The following TMTC2 variants were observed in gnomAD, a reference collection of about 807,000 sequenced individuals.
The protein encoded by TMTC2 is transmembrane O-mannosyltransferase targeting cadherins 2.
A neutral mutation model predicts 82.4 loss-of-function variants in TMTC2; 43 were observed. That is an observed-to-expected ratio of 0.52 (90% CI 0.41 to 0.67). The LOEUF is 0.67. Ranked by LOEUF, TMTC2 falls within the 30% of genes least tolerant of loss-of-function variation. The pLI is 0.00. For missense variants in TMTC2, 919 were observed against 1,012.4 expected, an observed-to-expected ratio of 0.91 and a Z score of 1.25; for synonymous variants, 408 against 381.9, an observed-to-expected ratio of 1.07 and a Z score of -0.80.
intron 1 of TMTC2, among the ~76,000 whole-genome samples, chr12:82,749,739 C>CTTTTT (rs71068950): frequency 1.3e-3 from 168 of 127,024 alleles, no homozygotes; most frequent in Non-Finnish European, 1.8e-3. Context: ...TTCTTTCTTT[C>CTTTTT]TTTTTTTTTT....
At chr12:83,125,195 C>G (rs1885066310) in intron 11 of TMTC2, among the ~76,000 whole-genome samples, 1 of 152,208 alleles carries the variant, frequency 6.6e-6, no homozygotes, top group Non-Finnish European at 1.5e-5. Flanking sequence ...TACTGTCTGG[C>G]TGCCCAGATT....
At chr12:83,025,601 C>A (rs1458892978) in intron 8 of TMTC2, among the ~76,000 whole-genome samples, 1 of 152,094 alleles carries the variant, frequency 6.6e-6, no homozygotes, top group Non-Finnish European at 1.5e-5. Flanking sequence ...TGACACTAAA[C>A]AGAGTTAGTG....
At chr12:82,835,691 T>C (rs1209195049) in intron 1 of TMTC2, among the ~76,000 whole-genome samples, 1 of 152,238 alleles carries the variant, frequency 6.6e-6, no homozygotes, top group Non-Finnish European at 1.5e-5. Flanking sequence ...GCATACTCCC[T>C]ATGGAAATTA....
At chr12:82,858,812 A>C (rs1871387526) in intron 2 of TMTC2, among the ~76,000 whole-genome samples, 1 of 152,186 alleles carries the variant, frequency 6.6e-6, no homozygotes. Context: ...TTGATGCTTG[A>C]AAACAACATA....
chr12:82,843,742 G>A (rs1870475764), intron 1 of TMTC2, among the ~76,000 whole-genome samples: 1 of 152,000 alleles, frequency 6.6e-6, no homozygotes, highest in Non-Finnish European at 1.5e-5. Context: ...GAGGTCTGGA[G>A]TTCAAGACCA....
At chr12:82,777,953 T>C (rs1308190891) in intron 1 of TMTC2, among the ~76,000 whole-genome samples, 1 of 152,164 alleles carries the variant, frequency 6.6e-6, no homozygotes, top group East Asian at 1.9e-4. Flanking sequence ...TTGTGGGGGC[T>C]GTACCTCATA....
chr12:83,113,612 C>T (rs1041671403), intron 11 of TMTC2, among the ~76,000 whole-genome samples: 4 of 152,196 alleles, frequency 2.6e-5, no homozygotes, highest in Non-Finnish European at 5.9e-5. Context: ...AACACCTTGG[C>T]AAGTGTCATG....
intron 1 of TMTC2, among the ~76,000 whole-genome samples, chr12:82,788,815 T>A (rs1030370906): frequency 6.6e-6 from 1 of 152,114 alleles, no homozygotes; most frequent in Non-Finnish European, 1.5e-5. Context: ...AGTTCTAAAC[T>A]CCTGCAGCTT....
At chr12:83,072,438 G>A (rs1056686904) in intron 11 of TMTC2, among the ~76,000 whole-genome samples, 16 of 152,066 alleles carry the variant, frequency 1.1e-4, no homozygotes, top group South Asian at 8.3e-4. Context: ...GTCTGTTTTG[G>A]AGAAAGTTCC....
At chr12:82,817,261 G>A (rs1296013590) in intron 1 of TMTC2, among the ~76,000 whole-genome samples, 3 of 151,980 alleles carry the variant, frequency 2.0e-5, no homozygotes. Context: ...GAGCCACAGC[G>A]CCCGGCTAGA....
intron 1 of TMTC2, among the ~76,000 whole-genome samples, chr12:82,699,333 C>T (rs922023305): frequency 3.9e-5 from 6 of 152,162 alleles, no homozygotes; most frequent in East Asian, 1.9e-4. Flanking sequence ...TCATTGTACA[C>T]GAAGGCTTAT....
chr12:83,040,181 A>G (rs1236962429), intron 9 of TMTC2, among the ~76,000 whole-genome samples: 1 of 152,214 alleles, frequency 6.6e-6, no homozygotes, highest in Non-Finnish European at 1.5e-5. Flanking sequence ...TGAAGTCCCT[A>G]TGACTAGTAA....
At chr12:82,809,265 A>G (rs1879381768) in intron 1 of TMTC2, among the ~76,000 whole-genome samples, 1 of 152,050 alleles carries the variant, frequency 6.6e-6, no homozygotes, top group Non-Finnish European at 1.5e-5. Context: ...TAGGTTCTTC[A>G]TAAGATTTTT....
chr12:83,033,882 G>A (rs201286032), intron 9 of TMTC2, among the ~76,000 whole-genome samples: 3 of 121,356 alleles, frequency 2.5e-5, no homozygotes, highest in African/African-American at 1.2e-4. Flanking sequence ...ATATATATAT[G>A]TGTGTGTATA....
chr12:82,753,638 A>G (rs1330541009), intron 1 of TMTC2, among the ~76,000 whole-genome samples: 8 of 152,178 alleles, frequency 5.3e-5, no homozygotes. Context: ...CTTTTTTCAA[A>G]GAAGATATGA....
At chr12:82,747,863 G>T (rs1875770776) in intron 1 of TMTC2, among the ~76,000 whole-genome samples, 1 of 152,126 alleles carries the variant, frequency 6.6e-6, no homozygotes, top group African/African-American at 2.4e-5. Flanking sequence ...AATCAGATTT[G>T]GTGATCATCC....
chr12:82,939,000 C>T (rs1371211503), intron 4 of TMTC2, among the ~76,000 whole-genome samples: 8 of 152,148 alleles, frequency 5.3e-5, no homozygotes, highest in Non-Finnish European at 7.4e-5. Context: ...TGTGCAGATA[C>T]GTCAGAATTC....
intron 2 of TMTC2, among the ~76,000 whole-genome samples, chr12:82,881,367 A>G (rs1872817389): frequency 6.6e-6 from 1 of 152,220 alleles, no homozygotes; most frequent in South Asian, 2.1e-4. Flanking sequence ...CGTAATTTCC[A>G]TTCATGATTT....
chr12:83,104,297 G>T (rs1016391187), intron 11 of TMTC2, among the ~76,000 whole-genome samples: 1 of 152,190 alleles, frequency 6.6e-6, no homozygotes, highest in African/African-American at 2.4e-5. Context: ...AGTGCCCCGT[G>T]GGGGGTTCTA....
Sources: allele counts gnomAD v4.1 joint callset (sites outside exome capture counted in the v4.1 genomes callset), GRCh38; gene constraint gnomAD v4.1.1; transcripts MANE v1.5; gene names NCBI Gene and HGNC (gene_info 2026-07-23, HGNC 2026-07-21).